Variants in RBFOX1 observed in about 807,000 individuals in gnomAD.
The protein encoded by RBFOX1 is RNA binding fox-1 homolog 1.
RBFOX1 carries 8 observed loss-of-function variants against 57.7 expected under a neutral mutation model. The ratio of observed to expected loss-of-function variants is 0.14; its 90% CI spans 0.08 to 0.25. RBFOX1 has a LOEUF of 0.25. RBFOX1 is among the 10% of genes least tolerant of loss of function. RBFOX1 has a pLI of 1.00. For missense variants in RBFOX1, 611 were observed against 548.5 expected (o/e 1.11, Z -1.14); for synonymous variants, 326 against 222.4 (o/e 1.47, Z -4.15).
chr16:7,049,535 G>A (rs1157179247), intron 3 of RBFOX1, among the ~76,000 whole-genome samples: 4 of 152,114 alleles, frequency 2.6e-5, no homozygotes, highest in African/African-American at 9.7e-5. Flanking sequence ...TGTTTTTCAA[G>A]ACAAAACCAG....
chr16:6,175,854 A>C (rs755357926), intron 1 of RBFOX1, among the ~76,000 whole-genome samples: 16 of 152,130 alleles, frequency 1.1e-4, no homozygotes, highest in Non-Finnish European at 1.6e-4. Flanking sequence ...GCAATTGTGC[A>C]GTAAGGAGAG....
chr16:5,491,612 T>C (rs903409984), intron 2 of RBFOX1, among the ~76,000 whole-genome samples: 2 of 152,198 alleles, frequency 1.3e-5, no homozygotes, highest in African/African-American at 4.8e-5. Context: ...TGCTGATGAA[T>C]CCTCAGTGAT....
chr16:6,678,734 T>C (rs2058159672), intron 3 of RBFOX1, among the ~76,000 whole-genome samples: 1 of 151,972 alleles, frequency 6.6e-6, no homozygotes, highest in African/African-American at 2.4e-5. Flanking sequence ...CTCTGACTGA[T>C]TAATTGGAAG....
At chr16:6,489,883 A>T (rs1393179890) in intron 2 of RBFOX1, among the ~76,000 whole-genome samples, 1 of 152,142 alleles carries the variant, frequency 6.6e-6, no homozygotes, top group Non-Finnish European at 1.5e-5. Context: ...AGGATGAGTG[A>T]TCTCCATTTT....
At chr16:6,698,751 CCT>C (rs1206918030) in intron 3 of RBFOX1, among the ~76,000 whole-genome samples, 1 of 152,136 alleles carries the variant, frequency 6.6e-6, no homozygotes, top group African/African-American at 2.4e-5. Context: ...TTTGTTCTGC[CCT>C]GTTTTCCTCC....
rs558232892 is a variant in RBFOX1 at position 7,145,929 on chromosome 16, G to A, written c.27+93831G>A. On this transcript the variant is annotated intron_variant, in intron 4 of 15. Coordinates refer to ENST00000550418, the MANE Select transcript of RBFOX1 (RefSeq NM_018723.4). ...TCCATGACCCTCTGGCGGAGTAGCC[G>A]TAGTGGACAGGTGCACCCTCCTTCA... Among the ~76,000 whole-genome samples, 22 of 152,246 alleles carry A rather than the reference G, an allele frequency of 1.4e-4. No individual in the cohort carries two copies. The South Asian group carries it at 2.1e-3, about 14-fold the overall frequency.
intron 4 of RBFOX1, among the ~76,000 whole-genome samples, chr16:7,473,011 A>G (rs542051887): frequency 6.6e-6 from 1 of 151,994 alleles, no homozygotes; most frequent in Non-Finnish European, 1.5e-5. Flanking sequence ...TCTCAACCTC[A>G]CAGTCCTTAT....
At chr16:7,693,254 T>A in intron 14 of RBFOX1, 1 of 1,455,612 alleles carries the variant, frequency 6.9e-7, no homozygotes, top group Non-Finnish European at 9.7e-7. Flanking sequence ...ATCGAAGCAA[T>A]TGGCAGAGAG....
At chr16:7,434,208 A>T (rs1403431912) in intron 4 of RBFOX1, among the ~76,000 whole-genome samples, 1 of 152,124 alleles carries the variant, frequency 6.6e-6, no homozygotes, top group Non-Finnish European at 1.5e-5. Flanking sequence ...GCGGTGGCTC[A>T]CGGCTATAAT....
At chr16:6,423,748 G>A (rs1473557945) in intron 2 of RBFOX1, among the ~76,000 whole-genome samples, 1 of 152,158 alleles carries the variant, frequency 6.6e-6, no homozygotes, top group Non-Finnish European at 1.5e-5. Flanking sequence ...AGGAATCCCA[G>A]CCGCCAGATG....
chr16:6,506,364 A>G (rs2096089651), intron 2 of RBFOX1, among the ~76,000 whole-genome samples: 2 of 152,106 alleles, frequency 1.3e-5, no homozygotes, highest in African/African-American at 2.4e-5. Context: ...AAGGCATTGC[A>G]GTATTGAAAA....
intron 12 of RBFOX1, among the ~76,000 whole-genome samples, chr16:7,664,307 A>G (rs1249798966): frequency 3.3e-5 from 5 of 152,226 alleles, no homozygotes; most frequent in Non-Finnish European, 7.3e-5. Flanking sequence ...ACATTCTTGC[A>G]CATGTACCCA....
intron 1 of RBFOX1, among the ~76,000 whole-genome samples, chr16:6,238,026 G>C (rs1280774357): frequency 1.4e-5 from 2 of 145,048 alleles, no homozygotes; most frequent in Admixed American, 7.1e-5. Context: ...GGGAGGCAGA[G>C]ATTGCAGTAA....
At chr16:7,547,792 T>C (rs2085023015) in intron 5 of RBFOX1, among the ~76,000 whole-genome samples, 2 of 152,256 alleles carry the variant, frequency 1.3e-5, no homozygotes, top group African/African-American at 4.8e-5. Flanking sequence ...TGGGATGGGC[T>C]AGCATGAAGG....
intron 3 of RBFOX1, among the ~76,000 whole-genome samples, chr16:6,890,434 A>G (rs2065134747): frequency 6.6e-6 from 1 of 152,198 alleles, no homozygotes; most frequent in Admixed American, 6.5e-5. Context: ...CTGGAGGATC[A>G]CTTAAACCCA....
upstream of RBFOX1, among the ~76,000 whole-genome samples, chr16:6,017,457 T>G (rs2095002018): frequency 6.6e-6 from 1 of 152,180 alleles, no homozygotes; most frequent in African/African-American, 2.4e-5. Flanking sequence ...ATGATTATGA[T>G]GTTACCAACC....
intron 3 of RBFOX1, among the ~76,000 whole-genome samples, chr16:6,995,483 A>G (rs1440365008): frequency 2.0e-5 from 3 of 152,050 alleles, no homozygotes; most frequent in Non-Finnish European, 4.4e-5. Flanking sequence ...AAGGCTTTGA[A>G]GAGGGGTGTG....
intron 3 of RBFOX1, among the ~76,000 whole-genome samples, chr16:5,658,517 C>G (rs973028908): frequency 6.6e-6 from 1 of 152,060 alleles, no homozygotes; most frequent in African/African-American, 2.4e-5. Context: ...TTAACTCACT[C>G]TGTATGGGTC....
rs543895922 is a variant in RBFOX1 at position 7,371,423 on chromosome 16, A to G, written c.28-146724A>G. 1.7e-4 allele frequency among the ~76,000 whole-genome samples: 26 copies of G among 152,326 alleles called. No individual in the cohort carries two copies. The East Asian group carries it at 3.9e-3, about 23-fold the overall frequency. On this transcript the variant is annotated intron_variant, in intron 4 of 15. Coordinates refer to ENST00000550418, the MANE Select transcript of RBFOX1 (RefSeq NM_018723.4). ...AAGCTAATCAGTATCAGCGGCCATT[A>G]GGAGAAAGAAAAAAGCACCATTGTG...
Sources: allele counts gnomAD v4.1 joint callset (sites outside exome capture counted in the v4.1 genomes callset), GRCh38; gene constraint gnomAD v4.1.1; transcripts MANE v1.5; gene names NCBI Gene and HGNC (gene_info 2026-07-23, HGNC 2026-07-21).